The following CADM2 variants were observed in gnomAD, a reference collection of about 807,000 sequenced individuals.
CADM2 encodes cell adhesion molecule 2.
A neutral mutation model predicts 49.8 loss-of-function variants in CADM2; 12 were observed. The observed-to-expected ratio is 0.24, with a 90% confidence interval of 0.15 to 0.39. The LOEUF (loss-of-function observed/expected upper bound fraction) is 0.39. CADM2 is among the 10% of genes least tolerant of loss of function. CADM2 has a pLI of 1.00. For synonymous variants in CADM2, 214 were observed against 175.4 expected, an observed-to-expected ratio of 1.22 and a Z score of -1.74; for missense variants, 378 against 492.3, an observed-to-expected ratio of 0.77 and a Z score of 2.20.
At chr3:85,269,169 G>A (rs1398962112) in intron 1 of CADM2, among the ~76,000 whole-genome samples, 1 of 151,208 alleles carries the variant, frequency 6.6e-6, no homozygotes, top group Non-Finnish European at 1.5e-5. Context: ...TTTAAAGACT[G>A]TAATAAAAAT....
At chr3:85,113,630 C>T (rs1445227870) in intron 1 of CADM2, among the ~76,000 whole-genome samples, 1 of 150,690 alleles carries the variant, frequency 6.6e-6, no homozygotes, top group Non-Finnish European at 1.5e-5. Context: ...TTATATACTT[C>T]TAAATGTAAT....
intron 1 of CADM2, among the ~76,000 whole-genome samples, chr3:85,044,719 G>A (rs1220236089): frequency 1.3e-5 from 2 of 151,956 alleles, no homozygotes; most frequent in African/African-American, 4.8e-5. Context: ...AAATTCTTGG[G>A]TGGATATTTG....
In CADM2 at chr3:86,073,798, A is replaced by G. The variant is rs951425908; in HGVS notation, c.*7015A>G. On this transcript the variant is annotated 3_prime_UTR_variant, in exon 10 of 10. Coordinates refer to ENST00000383699, the MANE Select transcript of CADM2 (RefSeq NM_001167675.2). ...CTTTATGCCAAACACATTATTTTGA[A>G]TACCTTTTTTTCAACTTCATACATT... is the stretch of plus-strand genomic sequence containing the variant. 2.0e-5 allele frequency: 3 copies of G among 152,004 alleles called. No individual in the cohort carries two copies. The highest frequency in any genetic ancestry group is 4.1e-4 in the South Asian group (2 of 4,832). The allele number at this position is 152,004 out of a possible 1,614,324, so 9.4% of individuals were successfully genotyped here. A position where few individuals can be genotyped will look rare whatever the true frequency, so the allele number is the denominator to read the frequency against.
chr3:85,883,226 A>G (rs1713070123), intron 3 of CADM2, 65 bp from the exon 4 acceptor site: 5 of 1,308,664 alleles, frequency 3.8e-6, no homozygotes, highest in Non-Finnish European at 4.2e-6. Context: ...TTGAAAATAT[A>G]TAGTCTAAAA....
chr3:85,944,738 G>T (rs947592818), intron 7 of CADM2, among the ~76,000 whole-genome samples: 1 of 151,904 alleles, frequency 6.6e-6, no homozygotes, highest in East Asian at 1.9e-4. Flanking sequence ...CGAGAACAAA[G>T]ACACAACATA....
At chr3:85,962,357 T>TA (rs1218733182) in intron 8 of CADM2, among the ~76,000 whole-genome samples, 6 of 152,170 alleles carry the variant, frequency 3.9e-5, no homozygotes, top group Middle Eastern at 6.8e-3. Context: ...TCACAAAGAA[T>TA]GACAGTGTCA....
At chr3:85,190,689 T>C (rs918531935) in intron 1 of CADM2, among the ~76,000 whole-genome samples, 1 of 152,244 alleles carries the variant, frequency 6.6e-6, no homozygotes, top group South Asian at 2.1e-4. Context: ...ATTAAGCAAA[T>C]TAATGTACAT....
intron 1 of CADM2, among the ~76,000 whole-genome samples, chr3:85,164,280 G>T (rs2040411012): frequency 6.6e-6 from 1 of 152,008 alleles, no homozygotes; most frequent in Admixed American, 6.6e-5. Flanking sequence ...GTATAATAAA[G>T]TGTTTAGTTA....
intron 8 of CADM2, among the ~76,000 whole-genome samples, chr3:86,024,408 C>T (rs958171855): frequency 2.6e-5 from 4 of 152,126 alleles, no homozygotes; most frequent in African/African-American, 9.7e-5. Flanking sequence ...ATTTTCAAAG[C>T]GAGCAGTAAA....
intron 8 of CADM2, among the ~76,000 whole-genome samples, chr3:86,016,698 G>T (rs1415801260): frequency 6.6e-6 from 1 of 152,036 alleles, no homozygotes; most frequent in Non-Finnish European, 1.5e-5. Flanking sequence ...TTAACCTCCT[G>T]AATTCAGTCT....
intron 1 of CADM2, among the ~76,000 whole-genome samples, chr3:85,642,446 C>T (rs1661577133): frequency 6.6e-6 from 1 of 151,470 alleles, no homozygotes; most frequent in Admixed American, 6.6e-5. Flanking sequence ...AAAATATTAA[C>T]CTCATAGCAA....
At position 85,956,806 on chromosome 3, in the gene CADM2, C is replaced by CA. The variant is rs1383227685; in HGVS notation, c.792-4657dup. Among the ~76,000 whole-genome samples the CA allele has an allele frequency of 2.0e-5, 3 of 151,330 alleles. No individual in the cohort carries two copies. In the East Asian group the frequency reaches 5.9e-4, roughly 30 times the overall value. On this transcript the variant is annotated intron_variant, in intron 7 of 9. Transcript: ENST00000383699. The stretch of plus-strand genomic sequence containing the variant: ...CAGAGCCATTTGCTTTAAGATGAGA[C>CA]AAAAAAGCTTATAAACAGAACTAGG...
intron 1 of CADM2, among the ~76,000 whole-genome samples, chr3:85,495,320 G>A (rs1014796): frequency 0.88 from 133,109 of 152,082 alleles, 58,393 homozygotes; most frequent in East Asian, 0.95. Flanking sequence ...AGGGGCAGAT[G>A]GTTTAAAATA....
rs1700838805 is a variant in CADM2, at chr3:85,188,408, TATTTG to T, written c.61+228742_61+228746del. Among the ~76,000 whole-genome samples, 3 of 152,292 alleles carry T rather than the reference TATTTG, an allele frequency of 2.0e-5. No individual in the cohort carries two copies. In the South Asian group the frequency reaches 6.2e-4, roughly 32 times the overall value. ...TGTTCCCATGTAGGTACTCAAAAAGTATTTGACACAAAATTCAGAATGATAATTAC... is the reference window on the plus strand; with the variant it reads ...TGTTCCCATGTAGGTACTCAAAAAGTACACAAAATTCAGAATGATAATTAC... On this transcript the variant is annotated intron_variant, in intron 1 of 9. Transcript: ENST00000383699.
intron 7 of CADM2, among the ~76,000 whole-genome samples, chr3:85,942,988 C>T (rs1722140888): frequency 6.6e-6 from 1 of 152,126 alleles, no homozygotes. Flanking sequence ...ACATCCTCTC[C>T]AGCACCTGTT....
chr3:85,526,642 G>A (rs1028719163), intron 1 of CADM2, among the ~76,000 whole-genome samples: 8 of 151,970 alleles, frequency 5.3e-5, no homozygotes, highest in African/African-American at 1.9e-4. Flanking sequence ...ATAATTCCAA[G>A]CTTATAAGTT....
At chr3:85,686,956 A>G (rs927444097) in intron 1 of CADM2, among the ~76,000 whole-genome samples, 1 of 152,116 alleles carries the variant, frequency 6.6e-6, no homozygotes, top group Non-Finnish European at 1.5e-5. Context: ...CGTAAAACCA[A>G]ACTGTGCTCT....
intron 1 of CADM2, among the ~76,000 whole-genome samples, chr3:85,105,292 A>AACAG (rs2038171147): frequency 6.6e-6 from 1 of 151,988 alleles, no homozygotes; most frequent in Admixed American, 6.5e-5. Flanking sequence ...AAAGGACATG[A>AACAG]ACAGACACTT....
At chr3:85,984,353 C>A (rs913466470) in intron 8 of CADM2, among the ~76,000 whole-genome samples, 7 of 151,172 alleles carry the variant, frequency 4.6e-5, no homozygotes, top group Non-Finnish European at 7.4e-5. Context: ...ATAACGTTCT[C>A]ATTTTTATCA....
Sources: gnomAD v4.1 joint callset for allele counts (sites outside exome capture counted in the v4.1 genomes callset) on GRCh38, gnomAD v4.1.1 for gene constraint, MANE v1.5 for transcripts, NCBI Gene and HGNC (gene_info 2026-07-23, HGNC 2026-07-21) for gene names.